Variants in ZNF385D observed in about 807,000 individuals in gnomAD.
ZNF385D encodes zinc finger protein 385D, also known as zinc finger protein 659.
ZNF385D carries 15 observed loss-of-function variants against 35.8 expected under a neutral mutation model. That is an observed-to-expected ratio of 0.42 (90% confidence interval 0.28 to 0.64). ZNF385D has a LOEUF of 0.64. ZNF385D is among the 30% of genes least tolerant of loss of function. ZNF385D has a pLI of 0.23. For missense variants in ZNF385D, 474 were observed against 494.6 expected (o/e 0.96, Z 0.39); for synonymous variants, 212 against 186.8 (o/e 1.13, Z -1.10).
At chr3:21,830,018 G>A (rs542262861) in intron 3 of ZNF385D, among the ~76,000 whole-genome samples, 28 of 152,090 alleles carry the variant, frequency 1.8e-4, no homozygotes, top group Admixed American at 1.7e-3. Flanking sequence ...CAGCTGCTCG[G>A]GAGGCTGAGG....
intron 2 of ZNF385D, among the ~76,000 whole-genome samples, chr3:22,366,368 G>A (rs1307361039): frequency 1.3e-5 from 2 of 152,048 alleles, no homozygotes; most frequent in East Asian, 3.9e-4. Flanking sequence ...GATATTCCCA[G>A]CACTAGCACT....
At chr3:21,842,746 A>T (rs1054108471) in intron 3 of ZNF385D, among the ~76,000 whole-genome samples, 2 of 152,076 alleles carry the variant, frequency 1.3e-5, no homozygotes, top group Non-Finnish European at 2.9e-5. Context: ...AGAGAAGTAC[A>T]ATACTTTCAG....
intron 1 of ZNF385D, among the ~76,000 whole-genome samples, chr3:21,736,037 A>G (rs1342158350): frequency 6.6e-6 from 1 of 152,252 alleles, no homozygotes; most frequent in African/African-American, 2.4e-5. Flanking sequence ...TTGTCTACTC[A>G]GAAAGTCTTG....
At chr3:21,859,050 G>T (rs1439839989) in intron 3 of ZNF385D, among the ~76,000 whole-genome samples, 1 of 151,822 alleles carries the variant, frequency 6.6e-6, no homozygotes, top group Non-Finnish European at 1.5e-5. Context: ...AGTAGGCGGG[G>T]AGAGAAAAGG....
At chr3:21,784,479 C>T (rs12497298) in intron 3 of ZNF385D, among the ~76,000 whole-genome samples, 47,134 of 151,762 alleles carry the variant, frequency 0.31, 7,840 homozygotes, top group Middle Eastern at 0.45. Flanking sequence ...AAATAGTCTA[C>T]TTTTAAGTAA....
chr3:21,618,763 TA>T (rs1430712111), intron 2 of ZNF385D, among the ~76,000 whole-genome samples: 3 of 152,020 alleles, frequency 2.0e-5, no homozygotes, highest in Non-Finnish European at 2.9e-5. Context: ...CATAAAGCAA[TA>T]CAGTAGTGAA....
At chr3:21,431,935 T>A (rs1701309967) in intron 5 of ZNF385D, among the ~76,000 whole-genome samples, 1 of 152,182 alleles carries the variant, frequency 6.6e-6, no homozygotes, top group Non-Finnish European at 1.5e-5. Flanking sequence ...TTGAAGACAA[T>A]GACTAGGTCT....
chr3:22,175,404 A>T (rs898357713), intron 2 of ZNF385D, among the ~76,000 whole-genome samples: 2 of 152,054 alleles, frequency 1.3e-5, no homozygotes, highest in African/African-American at 4.8e-5. Flanking sequence ...GACAATTATC[A>T]TAAGTGGATT....
At chr3:21,595,519 A>G (rs1467017821) in intron 2 of ZNF385D, among the ~76,000 whole-genome samples, 1 of 149,978 alleles carries the variant, frequency 6.7e-6, no homozygotes, top group African/African-American at 2.5e-5. Context: ...ATACATAGAT[A>G]TATGTATGTA....
intron 2 of ZNF385D, among the ~76,000 whole-genome samples, chr3:22,203,628 T>A (rs1034968714): frequency 6.6e-6 from 1 of 152,064 alleles, no homozygotes; most frequent in Admixed American, 6.6e-5. Context: ...GCCCACTGCT[T>A]CCCACAGTCA....
At chr3:21,473,451 A>C (rs1229414448) in intron 4 of ZNF385D, among the ~76,000 whole-genome samples, 1 of 152,026 alleles carries the variant, frequency 6.6e-6, no homozygotes, top group Non-Finnish European at 1.5e-5. Context: ...TCAAGGAAGG[A>C]TCTGGTTTGT....
chr3:22,007,394 A>C (rs1472672322), intron 3 of ZNF385D, among the ~76,000 whole-genome samples: 2 of 152,162 alleles, frequency 1.3e-5, no homozygotes, highest in Admixed American at 6.5e-5. Context: ...ACTTTTATGG[A>C]TATTTATTTA....
At chr3:21,839,618 G>A (rs1445374961) in intron 3 of ZNF385D, among the ~76,000 whole-genome samples, 1 of 152,062 alleles carries the variant, frequency 6.6e-6, no homozygotes, top group Non-Finnish European at 1.5e-5. Flanking sequence ...GAGTAAAGAT[G>A]TATTTCTTGC....
At chr3:22,314,037 G>A (rs947090852) in intron 2 of ZNF385D, among the ~76,000 whole-genome samples, 8 of 152,092 alleles carry the variant, frequency 5.3e-5, no homozygotes, top group African/African-American at 1.9e-4. Context: ...CTCACTCTGA[G>A]TTACTCTAGC....
intron 3 of ZNF385D, among the ~76,000 whole-genome samples, chr3:21,516,183 G>C (rs1237485425): frequency 6.6e-6 from 1 of 152,194 alleles, no homozygotes; most frequent in African/African-American, 2.4e-5. Flanking sequence ...TCTTTGGAGA[G>C]ACTAATTTGA....
chr3:21,521,471 A>T (rs1575098721), intron 3 of ZNF385D, among the ~76,000 whole-genome samples: 1 of 152,324 alleles, frequency 6.6e-6, no homozygotes, highest in South Asian at 2.1e-4. Flanking sequence ...TAAATCTTCT[A>T]GCCTGGCACA....
chr3:21,581,887 T>C (rs1451229933), intron 2 of ZNF385D, among the ~76,000 whole-genome samples: 2 of 152,138 alleles, frequency 1.3e-5, no homozygotes, highest in Non-Finnish European at 2.9e-5. Context: ...CAACTCGATG[T>C]TTAAAATCCT....
At chr3:21,864,401 A>T (rs1457022615) in intron 3 of ZNF385D, among the ~76,000 whole-genome samples, 2 of 152,054 alleles carry the variant, frequency 1.3e-5, no homozygotes, top group East Asian at 3.9e-4. Context: ...AATTGTGACT[A>T]TTTGCCTTGC....
intron 2 of ZNF385D, among the ~76,000 whole-genome samples, chr3:21,567,465 G>A (rs576577572): frequency 2.6e-5 from 4 of 152,070 alleles, no homozygotes; most frequent in African/African-American, 4.8e-5. Flanking sequence ...GTGAATCTGC[G>A]CTGCTTCAAT....
Sources: allele counts gnomAD v4.1 joint callset (sites outside exome capture counted in the v4.1 genomes callset), GRCh38; gene constraint gnomAD v4.1.1; transcripts MANE v1.5; gene names NCBI Gene and HGNC (gene_info 2026-07-23, HGNC 2026-07-21).